Variants in COL18A1 observed in about 807,000 individuals in gnomAD.
The protein encoded by COL18A1 is collagen type XVIII alpha 1 chain.
In COL18A1, 133 loss-of-function variants were observed where a neutral mutation model predicts 168.0. The observed-to-expected ratio is 0.79, with a 90% CI of 0.69 to 0.91. The LOEUF (loss-of-function observed/expected upper bound fraction) is 0.91, where lower values mean the gene tolerates loss of function less well. Ranked by LOEUF, COL18A1 falls within the 40% of genes least tolerant of loss-of-function variation. The pLI is 0.00. For synonymous variants in COL18A1, 949 were observed against 809.0 expected (o/e 1.17, Z -2.94); for missense variants, 2,126 against 1,925.4 (o/e 1.10, Z -1.95).
Position 45,494,578 on chromosome 21 carries a change from C to T in COL18A1, c.2379+7C>T, listed in dbSNP as rs202100967. 3.8e-3 allele frequency: 6,137 copies of T among 1,613,074 alleles called. 27 individuals are homozygous for T. Among genetic ancestry groups the T allele is most frequent in the Non-Finnish European group, 3.7e-3 (4,404 of 1,179,972 alleles). On this transcript the variant is annotated splice_region_variant and intron_variant, in intron 27 of 41. Coordinates refer to ENST00000651438, the MANE Select transcript of COL18A1 (RefSeq NM_001379500.1). ...GGGCTTCCGAGGACCCCCGGTAAGT[C>T]GGTCCCTGGCTTTCTCTGCACTGAG...
intron 2 of COL18A1, among the ~76,000 whole-genome samples, chr21:45,442,786 G>A (rs1260779726): frequency 9.5e-6 from 1 of 105,686 alleles, no homozygotes. Context: ...GGCGGTCCTG[G>A]TGTGGGCGGT....
chr21:45,453,243 C>T (rs573041634), intron 2 of COL18A1, among the ~76,000 whole-genome samples: 1 of 152,210 alleles, frequency 6.6e-6, no homozygotes, highest in Admixed American at 6.5e-5. Context: ...CTTGTGTATG[C>T]ATATGAGCAT....
chr21:45,432,113 C>T (rs1450209694), intron 2 of COL18A1, among the ~76,000 whole-genome samples: 3 of 152,238 alleles, frequency 2.0e-5, no homozygotes, highest in Non-Finnish European at 1.5e-5. Context: ...AGAGCAGACA[C>T]AGGTTGGAGA....
intron 9 of COL18A1, among the ~76,000 whole-genome samples, chr21:45,479,635 C>T (rs921596776): frequency 1.3e-5 from 2 of 152,118 alleles, no homozygotes; most frequent in African/African-American, 2.4e-5. Flanking sequence ...AACACCCAAG[C>T]ACCAGCTGTT....
chr21:45,511,643 C>T (rs2146144860), intron 41 of COL18A1, among the ~76,000 whole-genome samples: 1 of 152,242 alleles, frequency 6.6e-6, no homozygotes, highest in Middle Eastern at 3.4e-3. Context: ...TAGAAGAACG[C>T]TTCGTCCCAA....
At chr21:45,440,529 G>A (rs1381419822) in intron 2 of COL18A1, among the ~76,000 whole-genome samples, 4 of 151,708 alleles carry the variant, frequency 2.6e-5, no homozygotes, top group African/African-American at 4.8e-5. Context: ...GGGGCCTGCT[G>A]GGGTTTGAGC....
At chr21:45,438,986 A>C (rs933118200) in intron 2 of COL18A1, among the ~76,000 whole-genome samples, 2 of 152,138 alleles carry the variant, frequency 1.3e-5, no homozygotes, top group Non-Finnish European at 2.9e-5. Context: ...GGACGTGCTT[A>C]GGGACTTGCA....
At chr21:45,453,394 C>T (rs963022056) in intron 2 of COL18A1, among the ~76,000 whole-genome samples, 4 of 152,110 alleles carry the variant, frequency 2.6e-5, no homozygotes, top group South Asian at 2.1e-4. Flanking sequence ...TATATGTGTG[C>T]ATATGTGGGT....
At chr21:45,496,225 G>C (rs2036538937) in intron 29 of COL18A1, 2 of 652,716 alleles carry the variant, frequency 3.1e-6, no homozygotes, top group Admixed American at 2.1e-5. Flanking sequence ...GGCATTTTCA[G>C]TCACCTTTTT....
At chr21:45,456,717 C>A in intron 2 of COL18A1, 1 of 1,533,556 alleles carries the variant, frequency 6.5e-7, no homozygotes, top group Non-Finnish European at 8.7e-7. Flanking sequence ...CTGGTCCCCC[C>A]ATGCGGCAGC....
chr21:45,509,334 G>A (rs2037433956), intron 38 of COL18A1, 22 bp from the exon 39 acceptor site: 1 of 1,542,394 alleles, frequency 6.5e-7, no homozygotes, highest in Non-Finnish European at 8.7e-7. Context: ...CCGCCGACAG[G>A]CCCCACGTCT....
intron 2 of COL18A1, among the ~76,000 whole-genome samples, chr21:45,415,995 A>G (rs985707055): frequency 1.2e-4 from 18 of 152,090 alleles, no homozygotes; most frequent in African/African-American, 4.1e-4. Flanking sequence ...GGGCCTTTCA[A>G]TTATCCAGAA....
In COL18A1 at chr21:45,409,174, C is replaced by T. The variant is rs555585801; in HGVS notation, c.106+3701C>T. On this transcript the variant is annotated intron_variant, in intron 2 of 41. Coordinates refer to ENST00000651438, the MANE Select transcript of COL18A1 (RefSeq NM_001379500.1). ...TGCCACCCTCCAGGCTGTCTGTTAG[C>T]GGGTGCCTGTCAGAGAACAAGACGA... 7.9e-5 allele frequency among the ~76,000 whole-genome samples: 12 copies of T among 152,196 alleles called. No individual in the cohort carries two copies. In the East Asian group the frequency reaches 1.7e-3, roughly 22 times the overall value.
intron 22 of COL18A1, 112 bp from the exon 23 acceptor site, chr21:45,492,423 A>G: frequency 2.2e-6 from 3 of 1,358,430 alleles, no homozygotes; most frequent in Non-Finnish European, 3.2e-6. Flanking sequence ...GGAAAGCAAC[A>G]TTTTCCTTGA....
intron 18 of COL18A1, among the ~76,000 whole-genome samples, chr21:45,489,230 C>T (rs1432797745): frequency 2.0e-5 from 3 of 152,232 alleles, no homozygotes; most frequent in Non-Finnish European, 4.4e-5. Context: ...CGGGGTTCCT[C>T]TTGCAGTCTG....
At position 45,468,293 on chromosome 21, in the gene COL18A1, C is replaced by T; in HGVS notation, c.158C>T (p.Pro53Leu). 2 of 1,613,310 alleles carry T rather than the reference C, an allele frequency of 1.2e-6. No individual in the cohort carries two copies. Among genetic ancestry groups the T allele is most frequent in the Non-Finnish European group, 1.7e-6 (2 of 1,180,046 alleles). ...CTGCAGCTCCTTGGGGACCCCCCGC[C>T]CCAGCAGGTCACCCAGACGGATGAC... ...GLLQLLGDPP[P>L]QQVTQTDDPD... The change falls in exon 3 of 42, where the codon CCC becomes CTC. Residue 53 changes from proline to leucine, a missense_variant. Pro to Leu is a moderately conservative substitution (Grantham distance 98). Coordinates refer to ENST00000651438, the MANE Select transcript of COL18A1 (RefSeq NM_001379500.1).
In COL18A1 at chr21:45,425,193, T is replaced by C. The variant is rs2033756146; in HGVS notation, c.106+19720T>C. ...CTCCTTCCTCACACCAGTCTTGGGC[T>C]GCGCAGAGCCCCAGCCATGTGTGTG... On this transcript the variant is annotated intron_variant, in intron 2 of 41. Coordinates refer to ENST00000651438, the MANE Select transcript of COL18A1 (RefSeq NM_001379500.1). This position sits in a 1 kb window ranked among gnomAD's most constrained non-coding sequence, Gnocchi z 4.1. 6.6e-6 allele frequency: 1 copy of C among 152,292 alleles called. No individual in the cohort carries two copies. The highest frequency in any genetic ancestry group is 1.5e-5 in the Non-Finnish European group (1 of 68,116). The allele number at this position is 152,292 out of a possible 1,614,324, so 9.4% of individuals were successfully genotyped here.
At chr21:45,483,736 A>G (rs573006042) in intron 15 of COL18A1, among the ~76,000 whole-genome samples, 1 of 152,332 alleles carries the variant, frequency 6.6e-6, no homozygotes, top group African/African-American at 2.4e-5. Context: ...GCCAAGCTCC[A>G]GGATGGGGGT....
chr21:45,439,323 C>G (rs1020071175), intron 2 of COL18A1, among the ~76,000 whole-genome samples: 1 of 152,232 alleles, frequency 6.6e-6, no homozygotes, highest in African/African-American at 2.4e-5. Context: ...TCCGTTTCGG[C>G]TCCTCTGGTG....
Sources: gnomAD v4.1 joint callset for allele counts (sites outside exome capture counted in the v4.1 genomes callset) on GRCh38, gnomAD v4.1.1 for gene constraint, Gnocchi (gnomAD v3.1) non-coding constraint, MANE v1.5 for transcripts, NCBI Gene and HGNC (gene_info 2026-07-23, HGNC 2026-07-21) for gene names.